TTN: variants seen among roughly 807,000 people sequenced by gnomAD.
The protein encoded by TTN is connectin.
TTN carries 1,525 observed loss-of-function variants against 3,223.0 expected under a neutral mutation model. The observed-to-expected ratio is 0.47, with a 90% CI of 0.45 to 0.49. The LOEUF (loss-of-function observed/expected upper bound fraction) is 0.49, where lower values mean the gene tolerates loss of function less well. Among genes scored for constraint, TTN ranks in the 20% least tolerant of loss-of-function variants. TTN has a pLI of 0.00. For synonymous variants in TTN, 14,094 were observed against 15,161.0 expected, an observed-to-expected ratio of 0.93 and a Z score of 5.17; for missense variants, 40,786 against 43,424.0, an observed-to-expected ratio of 0.94 and a Z score of 5.40.
At position 178,739,762 on chromosome 2, in the gene TTN, CA is replaced by C; in HGVS notation, c.13470del (p.Glu4491ArgfsTer39). On this transcript the variant is annotated frameshift_variant, in exon 48 of 363. Transcript: ENST00000589042. LOFTEE classifies it high-confidence loss of function. ...GCTCCTTGCTGAATTCTAGGACCCT[CA>C]GCTGTTAGGATGTCTATTTCCTCAT... ...IIYEEIDILT[A>X]EGPRIQQGAK... 1 of 1,613,866 alleles carries C rather than the reference CA, an allele frequency of 6.2e-7. No individual in the cohort carries two copies. Among genetic ancestry groups the C allele is most frequent in the South Asian group, 1.1e-5 (1 of 91,074 alleles).
intron 33 of TTN, chr2:178,772,863 A>C: frequency 3.8e-6 from 2 of 527,220 alleles, no homozygotes; most frequent in East Asian, 3.3e-5. Context: ...TGGATGAGGA[A>C]GAGATCATAT....
At chr2:178,580,638 T>C in intron 316 of TTN, 29 bp from the exon 317 acceptor site, 1 of 1,577,888 alleles carries the variant, frequency 6.3e-7, no homozygotes, top group Non-Finnish European at 8.6e-7. Flanking sequence ...AGAAGTTAAA[T>C]AAAAATTTAA....
rs746989741 is a variant in TTN, at chr2:178,618,083, TGGA to T, written c.47270-5_47270-3del. On this transcript the variant is annotated splice_polypyrimidine_tract_variant and splice_region_variant and intron_variant, in intron 252 of 362. Transcript: ENST00000589042. Reference sequence around the variant, plus strand: ...CATTCAAAGGAGGGCCTGGAACATCTGGATTTCACCACAGAAGAAGAAAATATG... The same window carrying T: ...CATTCAAAGGAGGGCCTGGAACATCTTTTCACCACAGAAGAAGAAAATATG... The T allele has an allele frequency of 3.7e-6, 6 of 1,611,842 alleles. No homozygotes were observed. The highest frequency in any genetic ancestry group is 4.2e-6 in the Non-Finnish European group (5 of 1,178,922).
rs879056612 is a variant in TTN at position 178,532,225 on chromosome 2, T to G, written c.104390A>C (p.Glu34797Ala). The change falls in exon 358 of 363, where the codon GAA becomes GCA. Residue 34797 changes from glutamate to alanine, a missense_variant. Glu to Ala is a moderately radical substitution (Grantham distance 107). Coordinates refer to ENST00000589042, the MANE Select transcript of TTN (RefSeq NM_001267550.2). ...TCGCCTTGATTTCTTTCTAGACTTT[T>G]CCTCCTTTGACATGAAGTCAAGTTC... ...KSELDFMSKEEKSRKKSRRQR... is the reference protein window; with the variant it reads ...KSELDFMSKEAKSRKKSRRQR... 5 of 1,613,606 alleles carry G rather than the reference T, an allele frequency of 3.1e-6. No homozygotes were observed. The highest frequency in any genetic ancestry group is 4.2e-6 in the Non-Finnish European group (5 of 1,179,876).
chr2:178,763,570 T>A (rs577232082), intron 43 of TTN, among the ~76,000 whole-genome samples: 1 of 152,234 alleles, frequency 6.6e-6, no homozygotes, highest in East Asian at 1.9e-4. Flanking sequence ...ACGGAATTCC[T>A]AGCCTCATAA....
chr2:178,734,170 T>C lies in TTN; in HGVS notation c.15496+158A>G, dbSNP rs995423016. On this transcript the variant is annotated intron_variant, in intron 52 of 362. Coordinates refer to ENST00000589042, the MANE Select transcript of TTN (RefSeq NM_001267550.2). ...CACTAGTCTCGGGAAAAAGACCAGG[T>C]GAAAGTTACTGACTTTGTTCCCAAG... 1.3e-5 allele frequency among the ~76,000 whole-genome samples: 2 copies of C among 150,796 alleles called. 1 individual carries two copies. The highest frequency in any genetic ancestry group is 4.2e-4 in the South Asian group (2 of 4,808).
chr2:178,800,439 T>C lies in TTN; in HGVS notation c.539A>G (p.Asn180Ser), dbSNP rs568119356. 1.2e-5 allele frequency: 20 copies of C among 1,614,168 alleles called. No individual in the cohort carries two copies. The South Asian group carries it at 1.5e-4, about 12-fold the overall frequency. Residue 180 changes from asparagine to serine, a missense_variant, in exon 4 of 363, where the codon AAT becomes AGT. Coordinates refer to ENST00000589042, the MANE Select transcript of TTN (RefSeq NM_001267550.2). The stretch of plus-strand genomic sequence containing the variant: ...AGTCGAAGTAGCTCTTCCAACGCTA[T>C]TGGTGGCATTTACTGAATAGGTCCC... ...DSGTYSVNATNSVGRATSTAE... is the reference protein window; with the variant it reads ...DSGTYSVNATSSVGRATSTAE...
Position 178,773,118 on chromosome 2 carries a change from T to C in TTN, c.7846A>G (p.Thr2616Ala). 6.2e-7 allele frequency: 1 copy of C among 1,613,946 alleles called. No homozygotes were observed. The highest frequency in any genetic ancestry group is 8.5e-7 in the Non-Finnish European group (1 of 1,179,914). Residue 2616 changes from threonine (T) to alanine (A), a missense_variant, in exon 33 of 363, where the codon ACT (threonine) becomes GCT (alanine). By Grantham distance (58) the Thr-to-Ala change is moderately conservative (BLOSUM62 0). Transcript: ENST00000589042. Reference sequence around the variant, plus strand: ...TAATAAATATACCAACCTGCCACAGTAAGTTTTCCAGATGTCATATTTTCT... The same window carrying C: ...TAATAAATATACCAACCTGCCACAGCAAGTTTTCCAGATGTCATATTTTCT... ...AGENMTSGKL[T>A]VAGGAISKPL...
Position 178,538,671 on chromosome 2 carries a change from A to T in TTN, c.99158T>A (p.Ile33053Asn). ...SAWKKSNKER[I>N]KDKQFTIGGL... is the part of the protein sequence containing the mutation. ...TCCTATTGTGAATTGCTTGTCCTTA[A>T]TACGTTCCTTATTGCTCTTCTTCCA... Residue 33053 changes from isoleucine to asparagine, a missense_variant, in exon 354 of 363, where the codon ATT (isoleucine) becomes AAT (asparagine). Transcript: ENST00000589042. 6.2e-7 allele frequency: 1 copy of T among 1,613,692 alleles called. No homozygotes were observed. Among genetic ancestry groups the T allele is most frequent in the Non-Finnish European group, 8.5e-7 (1 of 1,179,720 alleles).
In TTN at chr2:178,535,160, A is replaced by G; in HGVS notation, c.101455T>C (p.Tyr33819His). Residue 33819 changes from tyrosine to histidine, a missense_variant, in exon 358 of 363, where the codon TAT becomes CAT. Transcript: ENST00000589042. ...HSSTKELYEK[Y>H]MIAEDLGRGE... is the part of the protein sequence containing the mutation. ...CGCCCAAGATCTTCAGCAATCATAT[A>G]TTTCTCATAGAGTTCCTTGGTTGAA... 6.2e-7 allele frequency: 1 copy of G among 1,613,814 alleles called. No individual in the cohort carries two copies. The highest frequency in any genetic ancestry group is 1.1e-5 in the South Asian group (1 of 91,080).
Position 178,693,596 on chromosome 2 carries a change from G to T in TTN, c.31594+13C>A, listed in dbSNP as rs1488006913. ...TATTAAAAGAGTTTAAACTTAGAAT[G>T]AATTACTAATACCTTTAGGTGGTGG... is the stretch of plus-strand genomic sequence containing the variant. On this transcript the variant is annotated intron_variant, in intron 119 of 362. Transcript: ENST00000589042. 6.5e-7 allele frequency: 1 copy of T among 1,532,944 alleles called. No individual in the cohort carries two copies. The highest frequency in any genetic ancestry group is 2.3e-5 in the East Asian group (1 of 43,626). The allele number at this position is 1,532,944 out of a possible 1,614,324, so 95.0% of individuals were successfully genotyped here.
chr2:178,696,123 A>C lies in TTN; in HGVS notation c.30949T>G (p.Phe10317Val). 1 of 1,552,048 alleles carries C rather than the reference A, an allele frequency of 6.4e-7. No individual in the cohort carries two copies. Among genetic ancestry groups the C allele is most frequent in the Non-Finnish European group, 8.7e-7 (1 of 1,146,964 alleles). The stretch of plus-strand genomic sequence containing the variant: ...TCCAGTTCGTCATAAGGTTCTTCGA[A>C]AGATTCAATGAAGACTCTCTTCTCC... ...HKEKRVFIES[F>V]EEPYDELEVE... The change falls in exon 114 of 363, where the codon TTC (phenylalanine) becomes GTC (valine). Residue 10317 changes from phenylalanine (F) to valine (V), a missense_variant. Physicochemically the swap from Phe to Val is conservative, Grantham distance 50. Transcript: ENST00000589042.
rs202012910 is a variant in TTN, at chr2:178,590,316, A to G, written c.61409T>C (p.Ile20470Thr). ...AAGTTCTACTTCTGGAGGATGAAGGATATCTTTTGCAATCACAGATTCTGC... is the reference window on the plus strand; with the variant it reads ...AAGTTCTACTTCTGGAGGATGAAGGGTATCTTTTGCAATCACAGATTCTGC... The part of the protein sequence containing the change: ...ELAESVIAKD[I>T]LHPPEVELDV... Residue 20470 changes from isoleucine to threonine, a missense_variant, in exon 304 of 363, where the codon ATC becomes ACC. Coordinates refer to ENST00000589042, the MANE Select transcript of TTN (RefSeq NM_001267550.2). The G allele has an allele frequency of 6.5e-5, 102 of 1,570,582 alleles. No homozygotes were observed. In the African/African-American group the frequency reaches 8.4e-4, roughly 13 times the overall value.
chr2:178,770,814 T>C lies in TTN; in HGVS notation c.8117-139A>G, dbSNP rs200126481. On this transcript the variant is annotated intron_variant, in intron 34 of 362. Coordinates refer to ENST00000589042, the MANE Select transcript of TTN (RefSeq NM_001267550.2). The stretch of plus-strand genomic sequence containing the variant: ...TTACAGTTATGCAGCACCTCTGTTT[T>C]AAAAAACACCTGAGATTATTTAGGG... 6 of 1,106,244 alleles carry C rather than the reference T, an allele frequency of 5.4e-6. No homozygotes were observed. In the East Asian group the frequency reaches 1.4e-4, roughly 26 times the overall value. The allele number at this position is 1,106,244 out of a possible 1,614,324, so 68.5% of individuals were successfully genotyped here. A position where few individuals can be genotyped will look rare whatever the true frequency, so the allele number is the denominator to read the frequency against.
chr2:178,792,109 T>C lies in TTN; in HGVS notation c.1625A>G (p.Glu542Gly), dbSNP rs760198462. The part of the protein sequence containing the change: ...AKEQETRISE[E>G]ITKKQKQVTQ... ...TACTTGTTTCTGTTTCTTAGTAATT[T>C]CTTCAGAAATTCTAGTTTCTTGTTC... The change falls in exon 10 of 363, where the codon GAA (glutamate) becomes GGA (glycine). Residue 542 changes from glutamate to glycine, a missense_variant. Glu to Gly is a moderately conservative substitution (Grantham distance 98). Transcript: ENST00000589042. 8 of 1,612,718 alleles carry C rather than the reference T, an allele frequency of 5.0e-6. No homozygotes were observed. The Admixed American group carries it at 6.7e-5, about 13-fold the overall frequency.
At chr2:178,792,314 G>T in intron 9 of TTN, 117 bp from the exon 10 acceptor site, 1 of 976,516 alleles carries the variant, frequency 1.0e-6, no homozygotes, top group Non-Finnish European at 1.5e-6. Flanking sequence ...TTCTGCAGAT[G>T]TCACTAAATA....
intron 122 of TTN, 54 bp from the exon 123 acceptor site, chr2:178,689,649 A>C (rs2071815711): frequency 3.3e-6 from 5 of 1,525,180 alleles, no homozygotes; most frequent in African/African-American, 1.4e-5. Flanking sequence ...AGCTATGCAC[A>C]GTTATTTTTT....
In TTN at chr2:178,624,694, C is replaced by A; in HGVS notation, c.44586G>T (p.Gln14862His). 6.2e-7 allele frequency: 1 copy of A among 1,612,412 alleles called. No individual in the cohort carries two copies. The highest frequency in any genetic ancestry group is 8.5e-7 in the Non-Finnish European group (1 of 1,178,998). ...CTGCAGTGGCTCCCTCTTCGACCGT[C>A]TGGTCCTCAAGAGGCTTAGTGAATT... Reference protein sequence around the residue: ...PVEFTKPLEDQTVEEGATAVL... With the variant: ...PVEFTKPLEDHTVEEGATAVL... The change falls in exon 242 of 363, where the codon CAG becomes CAT. Residue 14862 changes from glutamine to histidine, a missense_variant. Gln to His is a conservative substitution (Grantham distance 24). Coordinates refer to ENST00000589042, the MANE Select transcript of TTN (RefSeq NM_001267550.2).
At chr2:178,783,680 G>C (rs375590119) in intron 17 of TTN, 40 bp downstream of exon 17, 5 of 1,516,684 alleles carry the variant, frequency 3.3e-6, no homozygotes, top group Non-Finnish European at 4.6e-6. Context: ...GATTTGAGGA[G>C]ATATGAATAG....
Sources: allele counts gnomAD v4.1 joint callset (sites outside exome capture counted in the v4.1 genomes callset), GRCh38; gene constraint gnomAD v4.1.1; transcripts MANE v1.5; gene names NCBI Gene and HGNC (gene_info 2026-07-23, HGNC 2026-07-21).